The following NEK11 variants were observed in gnomAD, a reference collection of about 807,000 sequenced individuals.
NEK11 encodes the protein serine/threonine-protein kinase Nek11.
Under a neutral mutation model 80.7 loss-of-function variants are expected in NEK11, and 72 were observed. That is an observed-to-expected ratio of 0.89 (90% confidence interval 0.74 to 1.08). NEK11 has a LOEUF of 1.08. Among genes scored for constraint, NEK11 ranks in the 50% least tolerant of loss-of-function variants. The probability of loss-of-function intolerance (pLI) is 0.00; values close to 1 mark genes in which losing one functional copy is unlikely to be tolerated. For missense variants in NEK11, 764 were observed against 763.6 expected, an observed-to-expected ratio of 1.00 and a Z score of -0.01; for synonymous variants, 251 against 260.7, an observed-to-expected ratio of 0.96 and a Z score of 0.36.
At chr3:131,039,915 G>C (rs1171486872) in intron 3 of NEK11, among the ~76,000 whole-genome samples, 1 of 152,166 alleles carries the variant, frequency 6.6e-6, no homozygotes, top group Non-Finnish European at 1.5e-5. Flanking sequence ...GTTAGTAATA[G>C]TTTCTTGGTC....
At chr3:131,055,514 T>C (rs2069298294) in intron 3 of NEK11, among the ~76,000 whole-genome samples, 1 of 152,148 alleles carries the variant, frequency 6.6e-6, no homozygotes, top group African/African-American at 2.4e-5. Flanking sequence ...TATGGGAGGA[T>C]TGTTTGAGGC....
At chr3:131,137,577 C>T (rs576154209) in intron 7 of NEK11, among the ~76,000 whole-genome samples, 1 of 152,162 alleles carries the variant, frequency 6.6e-6, no homozygotes, top group Admixed American at 6.5e-5. Context: ...GGAATAAGCA[C>T]TGGTGTCAGT....
At chr3:131,309,351 T>A (rs1299878471) in intron 17 of NEK11, among the ~76,000 whole-genome samples, 1 of 152,228 alleles carries the variant, frequency 6.6e-6, no homozygotes, top group Admixed American at 6.5e-5. Context: ...AGCTGGGCTC[T>A]GGCATTATTA....
rs777109720 is a variant in NEK11, at chr3:131,132,848, C to A, written c.520+39C>A. The A allele has an allele frequency of 4.5e-6, 4 of 898,472 alleles. No homozygotes were observed. The South Asian group carries it at 4.6e-5, about 10-fold the overall frequency. 55.7% of individuals were successfully genotyped at this position (898,472 alleles called of 1,614,324 possible). ...AAGTATGAATTCCAAAAACGCAGAA[C>A]AGTATATTCTAGATATTATCATATC... is the stretch of plus-strand genomic sequence containing the variant. On this transcript the variant is annotated intron_variant, in intron 6 of 17. Coordinates refer to ENST00000383366, the MANE Select transcript of NEK11 (RefSeq NM_024800.5).
At chr3:131,040,144 T>A (rs1330231939) in intron 3 of NEK11, among the ~76,000 whole-genome samples, 2 of 152,204 alleles carry the variant, frequency 1.3e-5, no homozygotes, top group Non-Finnish European at 2.9e-5. Flanking sequence ...AAATTGAATT[T>A]CCATTCCGTA....
At chr3:131,311,506 T>C (rs1308459442) in intron 17 of NEK11, among the ~76,000 whole-genome samples, 1 of 152,238 alleles carries the variant, frequency 6.6e-6, no homozygotes, top group Non-Finnish European at 1.5e-5. Context: ...GGGCTTCCTC[T>C]TCCTGCTCCA....
intron 16 of NEK11, among the ~76,000 whole-genome samples, chr3:131,267,441 C>G (rs984826394): frequency 2.0e-5 from 3 of 152,246 alleles, no homozygotes; most frequent in Admixed American, 1.3e-4. Context: ...TTCTCCCTCG[C>G]TTATGAAGCT....
chr3:131,029,746 G>A lies in NEK11; in HGVS notation c.38G>A (p.Gly13Glu). ...CAAGAGGCAGCTAAGTGTGTGAGTG[G>A]ATCAACAGCCATTTCCACTTATCCA... ...KFQEAAKCVS[G>E]STAISTYPKT... The change falls in exon 3 of 18, where the codon GGA (glycine) becomes GAA (glutamate). Residue 13 changes from glycine to glutamate, a missense_variant. By Grantham distance (98) the Gly-to-Glu change is moderately conservative. Coordinates refer to ENST00000383366, the MANE Select transcript of NEK11 (RefSeq NM_024800.5). 1 of 1,614,182 alleles carries A rather than the reference G, an allele frequency of 6.2e-7. No homozygotes were observed. Among genetic ancestry groups the A allele is most frequent in the Non-Finnish European group, 8.5e-7 (1 of 1,180,020 alleles).
intron 3 of NEK11, among the ~76,000 whole-genome samples, chr3:131,046,860 T>G (rs2067479994): frequency 1.3e-5 from 2 of 152,250 alleles, no homozygotes; most frequent in South Asian, 4.1e-4. Context: ...CCAGGTAAGT[T>G]TTCCTTGATT....
Position 131,162,443 on chromosome 3 carries a change from T to C in NEK11, c.998T>C (p.Leu333Pro), listed in dbSNP as rs1281474177. 2 of 1,614,006 alleles carry C rather than the reference T, an allele frequency of 1.2e-6. No individual in the cohort carries two copies. The highest frequency in any genetic ancestry group is 8.5e-7 in the Non-Finnish European group (1 of 1,179,994). The change falls in exon 11 of 18, where the codon CTG becomes CCG. Residue 333 changes from leucine (L) to proline (P), a missense_variant. Coordinates refer to ENST00000383366, the MANE Select transcript of NEK11 (RefSeq NM_024800.5). ...ATCCACCTGCAGACTCTGAGGGCAC[T>C]GTCAGAAGTACAGAAAATGACGCCA... ...KRIHLQTLRA[L>P]SEVQKMTPRE...
At chr3:131,329,472 A>G (rs978951502) in intron 17 of NEK11, 1 of 152,146 alleles carries the variant, frequency 6.6e-6, no homozygotes, top group Non-Finnish European at 1.5e-5. Flanking sequence ...GTCAAAAAAA[A>G]AAAAAGAAAA....
chr3:131,306,023 G>T (rs1481227988), intron 17 of NEK11, among the ~76,000 whole-genome samples: 4 of 152,002 alleles, frequency 2.6e-5, no homozygotes, highest in Non-Finnish European at 5.9e-5. Context: ...TTTCTTTTTG[G>T]TTCTGTCTTA....
intron 14 of NEK11, among the ~76,000 whole-genome samples, chr3:131,195,977 A>G (rs2093994128): frequency 6.6e-6 from 1 of 151,224 alleles, no homozygotes; most frequent in South Asian, 2.1e-4. Flanking sequence ...ATGGGAGCGT[A>G]TTTTATGTGG....
chr3:131,070,630 G>GT (rs1003253696), intron 3 of NEK11, among the ~76,000 whole-genome samples: 4 of 152,048 alleles, frequency 2.6e-5, no homozygotes, highest in Non-Finnish European at 2.9e-5. Flanking sequence ...AGTTGTTTTT[G>GT]TTTTTTTCTT....
chr3:131,326,844 A>G (rs900135928), intron 17 of NEK11, among the ~76,000 whole-genome samples: 1 of 152,192 alleles, frequency 6.6e-6, no homozygotes, highest in Admixed American at 6.5e-5. Flanking sequence ...ATCTTCATTG[A>G]GGTAGTATTA....
intron 10 of NEK11, among the ~76,000 whole-genome samples, chr3:131,156,509 T>G (rs1413914794): frequency 1.3e-5 from 2 of 152,208 alleles, no homozygotes; most frequent in Non-Finnish European, 2.9e-5. Context: ...TCCCTGTCTA[T>G]CTGGCTGCCT....
intron 14 of NEK11, among the ~76,000 whole-genome samples, chr3:131,191,435 G>T (rs968010598): frequency 6.6e-6 from 1 of 152,100 alleles, no homozygotes; most frequent in Non-Finnish European, 1.5e-5. Flanking sequence ...AAGCCCTTCT[G>T]ATGCTGCCAT....
intron 6 of NEK11, chr3:131,133,124 A>G (rs1477612447): frequency 2.7e-6 from 1 of 372,838 alleles, no homozygotes; most frequent in Non-Finnish European, 5.0e-6. Context: ...TTTACAAGTT[A>G]TTAGAATCAT....
In NEK11 at chr3:131,109,865, T is replaced by A; in HGVS notation, c.399T>A (p.Asn133Lys). Residue 133 changes from asparagine (N) to lysine (K), a missense_variant, in exon 5 of 18, where the codon AAT becomes AAA. By Grantham distance (94) the Asn-to-Lys change is moderately conservative. Transcript: ENST00000383366. ...AAGCTGGAAAAATCTTTCCAGAAAA[T>A]CAAATAATAGAATGGTTTATCCAGC... ...YKQAGKIFPE[N>K]QIIEWFIQLL... 6.2e-7 allele frequency: 1 copy of A among 1,605,026 alleles called. No individual in the cohort carries two copies. The highest frequency in any genetic ancestry group is 8.5e-7 in the Non-Finnish European group (1 of 1,176,682).
Sources: gnomAD v4.1 joint callset for allele counts (sites outside exome capture counted in the v4.1 genomes callset) on GRCh38, gnomAD v4.1.1 for gene constraint, MANE v1.5 for transcripts, NCBI Gene and HGNC (gene_info 2026-07-23, HGNC 2026-07-21) for gene names.